Variants in TENM4 observed in about 807,000 individuals in gnomAD.
TENM4 encodes teneurin-4.
A neutral mutation model predicts 243.3 loss-of-function variants in TENM4; 82 were observed. That is an observed-to-expected ratio of 0.34 (90% CI 0.28 to 0.40). TENM4 has a LOEUF of 0.40. TENM4 is among the 10% of genes least tolerant of loss of function. TENM4 has a pLI of 1.00. For missense variants in TENM4, 3,138 were observed against 3,673.3 expected (o/e 0.85, Z 3.77); for synonymous variants, 1,412 against 1,456.3 (o/e 0.97, Z 0.69).
At chr11:78,677,504 C>G (rs1258760286) in intron 29 of TENM4, among the ~76,000 whole-genome samples, 1 of 152,070 alleles carries the variant, frequency 6.6e-6, no homozygotes, top group African/African-American at 2.4e-5. Context: ...ATCCTTCCAC[C>G]TTAGCCTCCA....
At chr11:78,668,341 G>C (rs892324678) in intron 32 of TENM4, among the ~76,000 whole-genome samples, 1 of 152,020 alleles carries the variant, frequency 6.6e-6, no homozygotes, top group Non-Finnish European at 1.5e-5. Flanking sequence ...TTTAATTATA[G>C]GTAGATGTTC....
At chr11:79,037,299 A>T (rs1456374695) in intron 6 of TENM4, among the ~76,000 whole-genome samples, 4 of 152,206 alleles carry the variant, frequency 2.6e-5, no homozygotes, top group African/African-American at 9.6e-5. Context: ...CATCCAGCAC[A>T]GTTCTTAAAC....
intron 1 of TENM4, among the ~76,000 whole-genome samples, chr11:79,359,408 T>G (rs767087457): frequency 1.3e-4 from 20 of 152,174 alleles, no homozygotes; most frequent in Admixed American, 2.6e-4. Flanking sequence ...AAATCTTTTT[T>G]TGAGATACAC....
In TENM4 at chr11:79,296,450, C is replaced by T. The variant is rs113430351; in HGVS notation, c.-265+1038G>A. ...CTTGGTTCTCAGCTTACTGCGAGCTCACAGCTGCCTTCACTCTCAGGCGGA... is the reference window on the plus strand; with the variant it reads ...CTTGGTTCTCAGCTTACTGCGAGCTTACAGCTGCCTTCACTCTCAGGCGGA... On this transcript the variant is annotated intron_variant, in intron 2 of 33. Transcript: ENST00000278550. 3.3e-3 allele frequency among the ~76,000 whole-genome samples: 497 copies of T among 152,306 alleles called. 2 individuals are homozygous for T. The highest frequency in any genetic ancestry group is 0.011 in the African/African-American group (460 of 41,562).
At position 78,729,182 on chromosome 11, in the gene TENM4, T is replaced by C. The variant is rs1163659772; in HGVS notation, c.3406+194A>G. 2.6e-5 allele frequency among the ~76,000 whole-genome samples: 4 copies of C among 152,058 alleles called. No homozygotes were observed. In the East Asian group the frequency reaches 7.7e-4, roughly 29 times the overall value. Reference sequence around the variant, plus strand: ...TGGTTCTGTAGCCTCATTGTAATGGTCGGGTTTTCTACATTCAGGTCTTTC... The same window carrying C: ...TGGTTCTGTAGCCTCATTGTAATGGCCGGGTTTTCTACATTCAGGTCTTTC... On this transcript the variant is annotated intron_variant, in intron 22 of 33. Coordinates refer to ENST00000278550, the MANE Select transcript of TENM4 (RefSeq NM_001098816.3).
chr11:78,805,281 C>CACCCTCCACACCCCCCCCCCCCTT lies in TENM4; in HGVS notation c.2179+10_2179+11insAAGGGGGGGGGGGGTGTGGAGGGT. 6.7e-7 allele frequency: 1 copy of CACCCTCCACACCCCCCCCCCCCTT among 1,488,494 alleles called. No homozygotes were observed. The highest frequency in any genetic ancestry group is 1.2e-5 in the South Asian group (1 of 83,178). 92.2% of individuals were successfully genotyped at this position (1,488,494 alleles called of 1,614,324 possible). On this transcript the variant is annotated intron_variant, in intron 15 of 33. Transcript: ENST00000278550. The stretch of plus-strand genomic sequence containing the variant: ...TCCCTCTACCCATGCTTCTTCTCCC[C>CACCCTCCACACCCCCCCCCCCCTT]CTGCATTTACCGATAGAACAGTCGT...
At chr11:79,049,844 C>T (rs1859752366) in intron 6 of TENM4, among the ~76,000 whole-genome samples, 1 of 152,230 alleles carries the variant, frequency 6.6e-6, no homozygotes, top group Admixed American at 6.5e-5. Flanking sequence ...GCTGTAGGAA[C>T]AGAGCACTTC....
At chr11:79,283,454 A>G (rs1268449815) in intron 2 of TENM4, among the ~76,000 whole-genome samples, 1 of 152,212 alleles carries the variant, frequency 6.6e-6, no homozygotes, top group Non-Finnish European at 1.5e-5. Flanking sequence ...AGACCATAAA[A>G]GACAAAAACC....
chr11:78,770,740 C>T (rs543984464), intron 18 of TENM4, among the ~76,000 whole-genome samples: 18 of 152,306 alleles, frequency 1.2e-4, no homozygotes, highest in African/African-American at 4.1e-4. Context: ...CTTCCATATG[C>T]CTTCTCTTCT....
chr11:79,398,677 C>T (rs1330696817), intron 1 of TENM4, among the ~76,000 whole-genome samples: 2 of 141,978 alleles, frequency 1.4e-5, no homozygotes, highest in African/African-American at 5.3e-5. Context: ...ATATATTCAA[C>T]TGTATTCAAT....
chr11:79,064,757 C>T lies in TENM4; in HGVS notation c.474G>A (p.Glu158=). The change falls in exon 6 of 34, where the codon GAG becomes GAA. Residue 158 remains glutamate, a synonymous_variant. Coordinates refer to ENST00000278550, the MANE Select transcript of TENM4 (RefSeq NM_001098816.3). ...ANSNLTLTDT[E]HENTETDHPG... ...ACTCACCAGTCTCAGTGTTTTCATG[C>T]TCGGTGTCGGTGAGTGTGAGATTGG... is the stretch of plus-strand genomic sequence containing the variant. 2 of 1,551,692 alleles carry T rather than the reference C, an allele frequency of 1.3e-6. No homozygotes were observed. The highest frequency in any genetic ancestry group is 2.7e-5 in the African/African-American group (2 of 73,156).
intron 1 of TENM4, among the ~76,000 whole-genome samples, chr11:79,359,054 C>T (rs532297860): frequency 1.3e-5 from 2 of 151,130 alleles, no homozygotes; most frequent in Admixed American, 1.3e-4. Flanking sequence ...TCACTTGAGG[C>T]CAATAGTTCA....
rs576710396 is a variant in TENM4 at position 79,055,459 on chromosome 11, C to A, written c.493+9279G>T. Reference sequence around the variant, plus strand: ...GTTTCACCATGTTGGCCAGGCTGGTCTTGAACTCCTGACCTCAAGTGATCT... The same window carrying A: ...GTTTCACCATGTTGGCCAGGCTGGTATTGAACTCCTGACCTCAAGTGATCT... On this transcript the variant is annotated intron_variant, in intron 6 of 33. Transcript: ENST00000278550. 5.3e-5 allele frequency among the ~76,000 whole-genome samples: 8 copies of A among 152,218 alleles called. No homozygotes were observed. The South Asian group carries it at 1.7e-3, about 32-fold the overall frequency.
chr11:78,963,141 G>C (rs1441410893), intron 6 of TENM4, among the ~76,000 whole-genome samples: 1 of 152,178 alleles, frequency 6.6e-6, no homozygotes, highest in Non-Finnish European at 1.5e-5. Context: ...AAGTTCTGAT[G>C]TTCAAAGATT....
chr11:78,734,447 T>C (rs1855741608), intron 20 of TENM4, among the ~76,000 whole-genome samples: 1 of 152,084 alleles, frequency 6.6e-6, no homozygotes, highest in Non-Finnish European at 1.5e-5. Flanking sequence ...AGGACTGTTC[T>C]GTTTTAGGTT....
chr11:78,699,281 TAC>T (rs1235235687), intron 28 of TENM4, among the ~76,000 whole-genome samples: 2 of 152,216 alleles, frequency 1.3e-5, no homozygotes, highest in Non-Finnish European at 2.9e-5. Flanking sequence ...ATCCCTATCG[TAC>T]AGATAAGTCA....
intron 3 of TENM4, among the ~76,000 whole-genome samples, chr11:79,171,014 C>A (rs1863028124): frequency 6.6e-6 from 1 of 152,138 alleles, no homozygotes; most frequent in African/African-American, 2.4e-5. Context: ...GAGGACTGTG[C>A]TATAACTCCC....
intron 2 of TENM4, among the ~76,000 whole-genome samples, chr11:79,263,030 G>GTT (rs1312156748): frequency 1.3e-5 from 2 of 152,182 alleles, no homozygotes. Flanking sequence ...CTTTTCCAAT[G>GTT]GGCTCAGTGG....
intron 4 of TENM4, among the ~76,000 whole-genome samples, chr11:79,133,686 G>A (rs1363310933): frequency 6.6e-6 from 1 of 152,022 alleles, no homozygotes. Flanking sequence ...AGGGATGCAG[G>A]GATGGTTTAA....
Sources: allele counts gnomAD v4.1 joint callset (sites outside exome capture counted in the v4.1 genomes callset), GRCh38; gene constraint gnomAD v4.1.1; transcripts MANE v1.5; gene names NCBI Gene and HGNC (gene_info 2026-07-23, HGNC 2026-07-21).